PRELID2: variants seen among roughly 807,000 people sequenced by gnomAD.
PRELID2 encodes the protein PRELI domain-containing protein 2.
In PRELID2, 25 loss-of-function variants were observed where a neutral mutation model predicts 28.4. The observed-to-expected ratio is 0.88, with a 90% CI of 0.64 to 1.23. The LOEUF is 1.23. Among genes scored for constraint, PRELID2 ranks in the 50% most tolerant of loss-of-function variants. PRELID2 has a pLI of 0.00. For synonymous variants in PRELID2, 76 were observed against 71.6 expected (o/e 1.06, Z -0.31); for missense variants, 201 against 214.4 (o/e 0.94, Z 0.39).
intron 1 of PRELID2, among the ~76,000 whole-genome samples, chr5:145,697,232 T>C (rs569107403): frequency 6.6e-6 from 1 of 151,840 alleles, no homozygotes; most frequent in African/African-American, 2.4e-5. Context: ...TGTAGATAGA[T>C]AGAGACATAG....
At chr5:145,467,953 C>G (rs933313126), downstream of PRELID2, among the ~76,000 whole-genome samples, 16 of 151,670 alleles carry the variant, frequency 1.1e-4, no homozygotes, top group African/African-American at 3.6e-4. Context: ...TTCTAGGGCA[C>G]ATGTGCACAA....
chr5:145,821,363 G>C (rs186624016), intron 2 of PRELID2, among the ~76,000 whole-genome samples: 3,186 of 151,626 alleles, frequency 0.021, 102 homozygotes, highest in African/African-American at 0.068. Flanking sequence ...GTGTTTGTGT[G>C]TGTGTGTGTA....
rs139093576 is a variant in PRELID2 at position 145,833,782 on chromosome 5, T to C, written c.75+1395A>G. 3.5e-3 allele frequency among the ~76,000 whole-genome samples: 527 copies of C among 152,334 alleles called. 8 individuals carry two copies. The highest frequency in any genetic ancestry group is 0.012 in the African/African-American group (498 of 41,578). On this transcript the variant is annotated intron_variant, in intron 1 of 6. Transcript: ENST00000683046. Reference sequence around the variant, plus strand: ...CTTAGTTTGGCTTCCGGGTTGCATATGGAGTTCAATGTCCCGTGGCTGCTA... The same window carrying C: ...CTTAGTTTGGCTTCCGGGTTGCATACGGAGTTCAATGTCCCGTGGCTGCTA...
intron 1 of PRELID2, among the ~76,000 whole-genome samples, chr5:145,648,582 C>A (rs1581026084): frequency 6.6e-6 from 1 of 151,214 alleles, no homozygotes; most frequent in Non-Finnish European, 1.5e-5. Flanking sequence ...AAGATTTCTT[C>A]TTAGCTCCTG....
In PRELID2 at chr5:145,483,603, G is replaced by T. The variant is rs76656730; in HGVS notation, n.71-10288C>A. The stretch of plus-strand genomic sequence containing the variant: ...GTAATAACTGAGGCATAAACTCCAA[G>T]AGGTTGTATTACCAACTTAAGACCA... On this transcript the variant is annotated intron_variant and non_coding_transcript_variant, in intron 1 of 2. Coordinates refer to the PRELID2 transcript ENST00000510259. Among the ~76,000 whole-genome samples, 112 of 152,286 alleles carry T rather than the reference G, an allele frequency of 7.4e-4. 2 individuals carry two copies. In the East Asian group the frequency reaches 0.019, roughly 27 times the overall value.
intron 1 of PRELID2, among the ~76,000 whole-genome samples, chr5:145,523,143 C>T (rs1339221205): frequency 1.3e-5 from 2 of 152,046 alleles, no homozygotes; most frequent in Admixed American, 6.5e-5. Context: ...CTGAGTATCA[C>T]GTGCCCTGGG....
the PRELID2 span, among the ~76,000 whole-genome samples, chr5:145,404,284 T>C: frequency 6.6e-6 from 1 of 152,220 alleles, no homozygotes; most frequent in Non-Finnish European, 1.5e-5. Flanking sequence ...GCACACTCTG[T>C]GCACCTCCAT....
At chr5:145,702,265 A>G (rs565942870) in intron 1 of PRELID2, among the ~76,000 whole-genome samples, 17 of 152,316 alleles carry the variant, frequency 1.1e-4, no homozygotes, top group Middle Eastern at 3.4e-3. Context: ...AAGCACCACT[A>G]CTTTGCACAA....
chr5:145,537,653 T>A (rs902173748), intron 1 of PRELID2, among the ~76,000 whole-genome samples: 6 of 151,920 alleles, frequency 3.9e-5, no homozygotes, highest in Non-Finnish European at 5.9e-5. Context: ...TTTGCCTGTT[T>A]TTTTAATTGG....
chr5:145,596,349 A>T (rs1753306354), intron 1 of PRELID2, among the ~76,000 whole-genome samples: 1 of 152,186 alleles, frequency 6.6e-6, no homozygotes, highest in Admixed American at 6.6e-5. Context: ...TTTTACAGAC[A>T]AGAAGCATAA....
At chr5:145,480,770 T>A (rs1305370394) in intron 1 of PRELID2, among the ~76,000 whole-genome samples, 1 of 152,148 alleles carries the variant, frequency 6.6e-6, no homozygotes, top group African/African-American at 2.4e-5. Flanking sequence ...AAGAGGAAAA[T>A]TTGCTTTCAT....
At position 145,749,491 on chromosome 5, in the gene PRELID2, T is replaced by C. The variant is rs6863576; in HGVS notation, n.70+15440A>G. Reference sequence around the variant, plus strand: ...AGATGCTGGTGAGGCTGTGGAGAAATAGGAACACTTTTACAGTGTTGGTGG... The same window carrying C: ...AGATGCTGGTGAGGCTGTGGAGAAACAGGAACACTTTTACAGTGTTGGTGG... On this transcript the variant is annotated intron_variant and non_coding_transcript_variant, in intron 1 of 2. Coordinates refer to the PRELID2 transcript ENST00000510259. 1.0e-2 allele frequency among the ~76,000 whole-genome samples: 1,521 copies of C among 152,200 alleles called. 29 individuals are homozygous for C. Among genetic ancestry groups the C allele is most frequent in the African/African-American group, 0.035 (1,466 of 41,524 alleles).
intron 1 of PRELID2, among the ~76,000 whole-genome samples, chr5:145,730,050 C>A (rs568638179): frequency 6.6e-6 from 1 of 152,186 alleles, no homozygotes. Context: ...GGGCTAGAAG[C>A]AAGGAGCCAG....
At chr5:145,269,087 A>G in the PRELID2 span, among the ~76,000 whole-genome samples, 5 of 152,060 alleles carry the variant, frequency 3.3e-5, no homozygotes, top group Non-Finnish European at 1.5e-5. Flanking sequence ...CAATTTTATT[A>G]AGATGCTAAT....
chr5:145,243,572 A>G, the PRELID2 span, among the ~76,000 whole-genome samples: 1 of 152,036 alleles, frequency 6.6e-6, no homozygotes, highest in Non-Finnish European at 1.5e-5. Context: ...TGGTTACATC[A>G]TCTTTCTCAG....
At chr5:145,817,441 A>G (rs1365430943) in intron 4 of PRELID2, among the ~76,000 whole-genome samples, 1 of 139,324 alleles carries the variant, frequency 7.2e-6, no homozygotes, top group African/African-American at 2.6e-5. Context: ...ATATATATAT[A>G]TATATATCAC....
intron 1 of PRELID2, among the ~76,000 whole-genome samples, chr5:145,522,131 T>C (rs1752567611): frequency 6.6e-6 from 1 of 152,204 alleles, no homozygotes; most frequent in African/African-American, 2.4e-5. Context: ...CAAGTTTTTC[T>C]TTAAATAAAT....
In PRELID2 at chr5:145,758,994, A is replaced by ATTTTTTTTTTTTTTTTTTTTTTTTTTT. The variant is rs70998036; in HGVS notation, c.*1541_*1542insAAAAAAAAAAAAAAAAAAAAAAAAAAA. ...CCAAGACTCTCCAGTAACGGCCTGAATTTTTTTTTTTTTTTTTTTTTTTTG... is the reference window on the plus strand; with the variant it reads ...CCAAGACTCTCCAGTAACGGCCTGAATTTTTTTTTTTTTTTTTTTTTTTTTTTTTTTTTTTTTTTTTTTTTTTTTTTG... On this transcript the variant is annotated 3_prime_UTR_variant, in exon 7 of 7. Transcript: ENST00000683046. The ATTTTTTTTTTTTTTTTTTTTTTTTTTT allele has an allele frequency of 1.1e-5, 1 of 90,592 alleles. No homozygotes were observed. Among genetic ancestry groups the ATTTTTTTTTTTTTTTTTTTTTTTTTTT allele is most frequent in the Non-Finnish European group, 2.0e-5 (1 of 51,030 alleles). The allele number at this position is 90,592 out of a possible 1,614,324, so 5.6% of individuals were successfully genotyped here.
chr5:145,386,196 G>A, the PRELID2 span, among the ~76,000 whole-genome samples: 1 of 151,884 alleles, frequency 6.6e-6, no homozygotes, highest in Non-Finnish European at 1.5e-5. Flanking sequence ...CAGAGTGAAG[G>A]GGGAAAATAA....
Sources: gnomAD v4.1 joint callset for allele counts (sites outside exome capture counted in the v4.1 genomes callset) on GRCh38, gnomAD v4.1.1 for gene constraint, MANE v1.5 for transcripts, NCBI Gene and HGNC (gene_info 2026-07-23, HGNC 2026-07-21) for gene names.